The following TENM1 variants were observed in gnomAD, a reference collection of about 807,000 sequenced individuals.
TENM1 encodes the protein teneurin transmembrane protein 1.
Under a neutral mutation model 174.8 loss-of-function variants are expected in TENM1, and 35 were observed. The observed-to-expected ratio is 0.20, with a 90% confidence interval of 0.15 to 0.27. TENM1 has a LOEUF of 0.27. TENM1 is among the 10% of genes least tolerant of loss of function. TENM1 has a pLI of 1.00. For synonymous variants in TENM1, 781 were observed against 798.7 expected, an observed-to-expected ratio of 0.98 and a Z score of 0.37; for missense variants, 1,633 against 2,130.1, an observed-to-expected ratio of 0.77 and a Z score of 4.59.
the TENM1 span, among the ~76,000 whole-genome samples, chrX:125,132,161 T>G: frequency 1.8e-5 from 2 of 111,875 alleles, no homozygotes; most frequent in African/African-American, 6.5e-5. Flanking sequence ...GAGCTCTACA[T>G]AGTGGCTTTC....
chrX:124,913,483 T>A (rs2147648233), intron 1 of TENM1, among the ~76,000 whole-genome samples: 1 of 111,998 alleles, frequency 8.9e-6, no homozygotes, highest in East Asian at 2.8e-4. Context: ...CAATATATGG[T>A]ACACACTGTG....
chrX:125,139,189 T>A, the TENM1 span, among the ~76,000 whole-genome samples: 1 of 111,398 alleles, frequency 9.0e-6, no homozygotes, highest in South Asian at 3.8e-4. Flanking sequence ...AAACACAAAA[T>A]GATTAAATAA....
intron 3 of TENM1, among the ~76,000 whole-genome samples, chrX:124,892,013 C>T (rs992860810): frequency 4.5e-5 from 5 of 111,474 alleles, no homozygotes; most frequent in Non-Finnish European, 1.9e-5. Context: ...ATATAAAATA[C>T]ACAACTCTAG....
At chrX:124,898,235 C>T (rs765006011) in intron 1 of TENM1, among the ~76,000 whole-genome samples, 1 of 110,962 alleles carries the variant, frequency 9.0e-6, no homozygotes, top group East Asian at 2.8e-4. Flanking sequence ...ATCTGCATTT[C>T]GAATGACTTC....
At chrX:125,089,842 T>A in the TENM1 span, among the ~76,000 whole-genome samples, 22 of 111,506 alleles carry the variant, frequency 2.0e-4, no homozygotes, top group Non-Finnish European at 3.8e-4. Context: ...CTGGGGAAGA[T>A]GTAAGCTACT....
the TENM1 span, among the ~76,000 whole-genome samples, chrX:125,132,584 C>T: frequency 8.9e-6 from 1 of 111,822 alleles, no homozygotes; most frequent in Non-Finnish European, 1.9e-5. Context: ...AAAGCAGATA[C>T]CCTTTTTGAG....
At chrX:124,600,655 T>C (rs961134339) in intron 11 of TENM1, among the ~76,000 whole-genome samples, 1 of 111,570 alleles carries the variant, frequency 9.0e-6, no homozygotes, top group Non-Finnish European at 1.9e-5. Context: ...ATTAATTCTA[T>C]GATATTCTTG....
At position 124,406,498 on chromosome X, in the gene TENM1, T is replaced by C. The variant is rs756430230; in HGVS notation, c.4983-9A>G. On this transcript the variant is annotated splice_polypyrimidine_tract_variant and intron_variant, in intron 25 of 31. Transcript: ENST00000422452. ...GTCCCTCGGGGTCATACCTGAGGAA[T>C]GTAACCAATCCCAGCTTTGAAGCGT... 2 of 1,167,789 alleles carry C rather than the reference T, an allele frequency of 1.7e-6. No homozygotes were observed. The highest frequency in any genetic ancestry group is 6.0e-5 in the East Asian group (2 of 33,315).
intron 5 of TENM1, among the ~76,000 whole-genome samples, chrX:124,672,214 T>G (rs994347629): frequency 1.8e-5 from 2 of 111,526 alleles, no homozygotes; most frequent in Non-Finnish European, 3.8e-5. Context: ...GTGGACAGAC[T>G]ACCATGAGAA....
chrX:125,083,721 C>A, the TENM1 span, among the ~76,000 whole-genome samples: 1 of 111,281 alleles, frequency 9.0e-6, no homozygotes, highest in Non-Finnish European at 1.9e-5. Flanking sequence ...ATATACAACT[C>A]TTGAAATTGT....
chrX:124,670,279 T>G (rs907639194), intron 6 of TENM1, among the ~76,000 whole-genome samples: 1 of 112,205 alleles, frequency 8.9e-6, no homozygotes, highest in Non-Finnish European at 1.9e-5. Flanking sequence ...AGATAAATTC[T>G]GATTTTTAGT....
intron 1 of TENM1, among the ~76,000 whole-genome samples, chrX:124,944,287 T>C (rs747511655): frequency 2.7e-5 from 3 of 111,581 alleles, no homozygotes; most frequent in Non-Finnish European, 5.7e-5. Flanking sequence ...AAAATTCATC[T>C]GTATGTCATG....
the TENM1 span, among the ~76,000 whole-genome samples, chrX:125,186,676 C>T: frequency 9.1e-6 from 1 of 110,320 alleles, no homozygotes; most frequent in Non-Finnish European, 1.9e-5. Flanking sequence ...TGATTGGAAG[C>T]TTCCTGAGTC....
At chrX:124,782,252 G>A (rs1472165213) in intron 3 of TENM1, among the ~76,000 whole-genome samples, 2 of 111,504 alleles carry the variant, frequency 1.8e-5, no homozygotes, top group Non-Finnish European at 3.8e-5. Context: ...TACAATTTTA[G>A]GTTAGTTTGT....
chrX:124,735,324 A>C (rs1273415090), intron 4 of TENM1, among the ~76,000 whole-genome samples: 5 of 112,529 alleles, frequency 4.4e-5, no homozygotes, highest in Admixed American at 3.8e-4. Context: ...GGTGCTGTAT[A>C]AGTGGTCAAC....
At chrX:125,103,082 T>C in the TENM1 span, among the ~76,000 whole-genome samples, 1 of 112,426 alleles carries the variant, frequency 8.9e-6, no homozygotes, top group Non-Finnish European at 1.9e-5. Flanking sequence ...CTCACTGAGG[T>C]AGCAAACTTG....
chrX:124,792,918 A>G (rs1025029042), intron 3 of TENM1, among the ~76,000 whole-genome samples: 5 of 112,317 alleles, frequency 4.5e-5, no homozygotes, highest in East Asian at 2.8e-4. Flanking sequence ...AAAATAGACT[A>G]ATTTCTAAAC....
chrX:124,623,040 G>A (rs1222358592), intron 11 of TENM1, among the ~76,000 whole-genome samples: 4 of 111,787 alleles, frequency 3.6e-5, no homozygotes, highest in Admixed American at 1.9e-4. Context: ...AGCTTAGGAT[G>A]AGGACATTAT....
chrX:124,980,203 C>T, the TENM1 span, among the ~76,000 whole-genome samples: 3 of 110,424 alleles, frequency 2.7e-5, no homozygotes, highest in Non-Finnish European at 5.7e-5. Flanking sequence ...AAGACCCCAT[C>T]TTTAATAATA....
Sources: gnomAD v4.1 joint callset for allele counts (sites outside exome capture counted in the v4.1 genomes callset) on GRCh38, gnomAD v4.1.1 for gene constraint, MANE v1.5 for transcripts, NCBI Gene and HGNC (gene_info 2026-07-23, HGNC 2026-07-21) for gene names.